Variants in TRPM1 observed in about 807,000 individuals in gnomAD.
The protein encoded by TRPM1 is TRPM1-203 APA Isoform, Intron 10.
TRPM1 carries 113 observed loss-of-function variants against 149.4 expected under a neutral mutation model. The ratio of observed to expected loss-of-function variants is 0.76; its 90% confidence interval spans 0.65 to 0.88. The LOEUF is 0.88. Among genes scored for constraint, TRPM1 ranks in the 40% least tolerant of loss-of-function variants. TRPM1 has a pLI of 0.00. For synonymous variants in TRPM1, 741 were observed against 759.5 expected (o/e 0.98, Z 0.40); for missense variants, 1,976 against 2,038.7 (o/e 0.97, Z 0.59).
In TRPM1 at chr15:31,031,156, A is replaced by G; in HGVS notation, c.2954T>C (p.Met985Thr). 1 of 1,614,246 alleles carries G rather than the reference A, an allele frequency of 6.2e-7. No homozygotes were observed. The highest frequency in any genetic ancestry group is 2.2e-5 in the East Asian group (1 of 44,894). Reference protein sequence around the residue: ...GPYVMMIGKMMIDMLYFVVIM... With the variant: ...GPYVMMIGKMTIDMLYFVVIM... The stretch of plus-strand genomic sequence containing the variant: ...GACCACAAAGTACAGCATGTCGATC[A>G]TCTGAGTAAGGAGAACATTTGTCTC... The change falls in exon 23 of 28, where the codon ATG (methionine) becomes ACG (threonine). Residue 985 changes from methionine to threonine, a missense_variant and splice_region_variant. Coordinates refer to ENST00000256552, the MANE Select transcript of TRPM1 (RefSeq NM_001252024.2).
chr15:31,159,584 C>A (rs767412099), intron 1 of TRPM1, among the ~76,000 whole-genome samples: 3 of 152,156 alleles, frequency 2.0e-5, no homozygotes, highest in Admixed American at 1.3e-4. Context: ...ATGCGCCTGT[C>A]CCCCACTGAG....
At chr15:31,140,922 A>G (rs1379653233) in intron 1 of TRPM1, among the ~76,000 whole-genome samples, 1 of 152,008 alleles carries the variant, frequency 6.6e-6, no homozygotes, top group African/African-American at 2.4e-5. Context: ...CCTGGGTTCA[A>G]GTGATTCTCC....
At chr15:31,047,773 A>T in intron 14 of TRPM1, 116 bp downstream of exon 14, 1 of 879,126 alleles carries the variant, frequency 1.1e-6, no homozygotes, top group Non-Finnish European at 1.9e-6. Flanking sequence ...GAAAGAAGGA[A>T]TTCATTATCT....
intron 4 of TRPM1, among the ~76,000 whole-genome samples, chr15:31,069,133 T>C (rs1366285050): frequency 6.6e-6 from 1 of 152,196 alleles, no homozygotes; most frequent in Non-Finnish European, 1.5e-5. Context: ...TAACTGGGTG[T>C]CCTGTATTTT....
intron 16 of TRPM1, among the ~76,000 whole-genome samples, chr15:31,043,836 C>A (rs982915986): frequency 6.6e-6 from 1 of 151,404 alleles, no homozygotes; most frequent in African/African-American, 2.4e-5. Context: ...TAAAAACTGC[C>A]AGAGAGAGAA....
intron 1 of TRPM1, among the ~76,000 whole-genome samples, chr15:31,119,257 A>AATAAATAC (rs2035844267): frequency 6.6e-6 from 1 of 151,786 alleles, no homozygotes; most frequent in East Asian, 1.9e-4. Flanking sequence ...TAAATAAATA[A>AATAAATAC]ATAAATAAAT....
chr15:31,113,714 G>A (rs543754951), intron 1 of TRPM1, among the ~76,000 whole-genome samples: 1 of 152,238 alleles, frequency 6.6e-6, no homozygotes, highest in Non-Finnish European at 1.5e-5. Context: ...TCATTCCGGT[G>A]GATTTCTGGT....
At chr15:31,106,905 C>T (rs2035615732) in intron 1 of TRPM1, among the ~76,000 whole-genome samples, 1 of 152,234 alleles carries the variant, frequency 6.6e-6, no homozygotes, top group South Asian at 2.1e-4. Context: ...TTTTATGAGT[C>T]CTTGTTTTCC....
At position 31,067,874 on chromosome 15, in the gene TRPM1, C is replaced by G. The variant is rs2140963611; in HGVS notation, c.493+5G>C. On this transcript the variant is annotated splice_donor_5th_base_variant and intron_variant, in intron 5 of 27. Transcript: ENST00000256552. ...ATTATCGGGAGGGAAAGGGCCTGCT[C>G]TTACCTGTGCTGACACCCCCGGTGA... 1.2e-6 allele frequency: 2 copies of G among 1,612,458 alleles called. No homozygotes were observed. The highest frequency in any genetic ancestry group is 8.5e-7 in the Non-Finnish European group (1 of 1,179,860).
upstream of TRPM1, among the ~76,000 whole-genome samples, chr15:31,101,972 C>A (rs947178874): frequency 1.3e-5 from 2 of 152,262 alleles, no homozygotes; most frequent in Admixed American, 1.3e-4. Flanking sequence ...GCCATGGCCC[C>A]CTCCCACCCA....
rs756335940 is a variant in TRPM1, at chr15:31,068,001, G to GA, written c.370dup (p.Ser124PhefsTer10). The GA allele has an allele frequency of 4.3e-6, 7 of 1,614,092 alleles. No homozygotes were observed. In the Admixed American group the frequency reaches 1.2e-4, roughly 27 times the overall value. On this transcript the variant is annotated frameshift_variant, in exon 5 of 28. Transcript: ENST00000256552. LOFTEE classifies it high-confidence loss of function. ...AAAGTTCTGGAGGCCTCCATGCACA[G>GA]ATATTAAGAGCTTGGGGAGTTCCAG... is the stretch of plus-strand genomic sequence containing the variant.
At chr15:31,147,421 C>T (rs994305902) in intron 1 of TRPM1, among the ~76,000 whole-genome samples, 1 of 152,208 alleles carries the variant, frequency 6.6e-6, no homozygotes, top group Non-Finnish European at 1.5e-5. Context: ...AAGGGTATTT[C>T]TTTAATGGCA....
chr15:31,063,232 G>A lies in TRPM1; in HGVS notation c.851C>T (p.Ser284Phe), dbSNP rs780939573. 2 of 1,614,110 alleles carry A rather than the reference G, an allele frequency of 1.2e-6. No homozygotes were observed. Among genetic ancestry groups the A allele is most frequent in the Non-Finnish European group, 1.7e-6 (2 of 1,180,020 alleles). Residue 284 changes from serine (S) to phenylalanine (F), a missense_variant, in exon 8 of 28, where the codon TCC (serine) becomes TTC (phenylalanine). Ser to Phe is a radical substitution (Grantham distance 155). Around this residue, in one of 3 missense-constraint regions of TRPM1, gnomAD observed 1,332 missense variants for 1,347.1 expected, o/e 0.99. Coordinates refer to ENST00000256552, the MANE Select transcript of TRPM1 (RefSeq NM_001252024.2). ...LVVEGGPNVV[S>F]IVLEYLQEEP... Reference sequence around the variant, plus strand: ...TTCTTGCAGGTATTCCAAGACGATGGACACCACGTTAGGGCCCCCCTCCAC... The same window carrying A: ...TTCTTGCAGGTATTCCAAGACGATGAACACCACGTTAGGGCCCCCCTCCAC...
chr15:31,067,552 A>G (rs1255716796), intron 5 of TRPM1, among the ~76,000 whole-genome samples: 1 of 51,270 alleles, frequency 2.0e-5, no homozygotes, highest in Non-Finnish European at 5.5e-5. Context: ...TTTGTGCCTC[A>G]GTTTCCTGTC....
At chr15:31,146,110 G>A (rs567533990) in intron 1 of TRPM1, among the ~76,000 whole-genome samples, 10 of 152,170 alleles carry the variant, frequency 6.6e-5, no homozygotes, top group South Asian at 2.1e-4. Flanking sequence ...ACTCCTTATC[G>A]TCACAATAGT....
At chr15:31,014,001 C>A (rs183901399) in intron 27 of TRPM1, among the ~76,000 whole-genome samples, 1 of 152,312 alleles carries the variant, frequency 6.6e-6, no homozygotes, top group East Asian at 1.9e-4. Flanking sequence ...TTAGCTTTCA[C>A]TTCCTGCTTG....
rs1406550906 is a variant in TRPM1, at chr15:31,042,063, C to G, written c.1975G>C (p.Glu659Gln). 3 of 1,614,148 alleles carry G rather than the reference C, an allele frequency of 1.9e-6. No individual in the cohort carries two copies. The highest frequency in any genetic ancestry group is 1.3e-5 in the African/African-American group (1 of 75,070). The change falls in exon 17 of 28, where the codon GAG becomes CAG. Residue 659 changes from glutamate (E) to glutamine (Q), a missense_variant. Physicochemically the swap from Glu to Gln is conservative, Grantham distance 29 (BLOSUM62 2). Transcript: ENST00000256552. ...GCCACCAGGGCCTTGGCCATGCTCT[C>G]TTCCCCTCGCTGCCAGAGGAACACT... ...MAVFLWQRGE[E>Q]SMAKALVACK...
intron 1 of TRPM1, among the ~76,000 whole-genome samples, chr15:31,094,564 G>A (rs78306805): frequency 0.014 from 2,141 of 152,258 alleles, 62 homozygotes; most frequent in African/African-American, 0.049. Flanking sequence ...GACTTGAATA[G>A]ACAATTCTCC....
At chr15:31,049,038 C>G (rs983231657) in intron 13 of TRPM1, among the ~76,000 whole-genome samples, 2 of 152,184 alleles carry the variant, frequency 1.3e-5, no homozygotes, top group African/African-American at 2.4e-5. Context: ...TCCCAAGGAA[C>G]AATTGACTTC....
Sources: gnomAD v4.1 joint callset for allele counts (sites outside exome capture counted in the v4.1 genomes callset) on GRCh38, gnomAD v4.1.1 for gene constraint, gnomAD v4.1.1 regional missense constraint, MANE v1.5 for transcripts, NCBI Gene and HGNC (gene_info 2026-07-23, HGNC 2026-07-21) for gene names.